KLHDC4: variants seen among roughly 807,000 people sequenced by gnomAD.
KLHDC4 encodes kelch domain-containing protein 4.
In KLHDC4, 90 loss-of-function variants were observed where a neutral mutation model predicts 62.4. The observed-to-expected ratio is 1.44, with a 90% confidence interval of 1.22 to 1.72. The LOEUF (loss-of-function observed/expected upper bound fraction) is 1.72. KLHDC4 is among the 40% of genes most tolerant of loss of function. The pLI, the probability that KLHDC4 is intolerant of heterozygous loss-of-function variation, is 0.00. For missense variants in KLHDC4, 1,025 were observed against 699.7 expected (o/e 1.47, Z -5.25); for synonymous variants, 386 against 284.4 (o/e 1.36, Z -3.59).
Position 87,709,678 on chromosome 16 carries a change from A to G in KLHDC4, c.1045-11T>C, listed in dbSNP as rs577229129. 1.3e-6 allele frequency: 2 copies of G among 1,573,076 alleles called. No individual in the cohort carries two copies. The highest frequency in any genetic ancestry group is 2.3e-5 in the South Asian group (2 of 86,260). Reference sequence around the variant, plus strand: ...TTCAGACTTGGGTCCCTATTAATAGACCGAGGAAGCAGAGAGCAGCAGCTT... The same window carrying G: ...TTCAGACTTGGGTCCCTATTAATAGGCCGAGGAAGCAGAGAGCAGCAGCTT... On this transcript the variant is annotated splice_polypyrimidine_tract_variant and intron_variant, in intron 9 of 11. Coordinates refer to ENST00000270583, the MANE Select transcript of KLHDC4 (RefSeq NM_017566.4).
intron 6 of KLHDC4, 61 bp from the exon 7 acceptor site, chr16:87,726,985 A>G: frequency 6.5e-7 from 1 of 1,549,694 alleles, no homozygotes. Context: ...TGACATTAAA[A>G]ACTGAACTGA....
intron 9 of KLHDC4, 159 bp downstream of exon 9, chr16:87,711,076 G>C (rs1240301017): frequency 1.1e-5 from 7 of 661,732 alleles, no homozygotes; most frequent in Non-Finnish European, 1.8e-5. Context: ...TCCAAGCCTA[G>C]TCACCCAGGA....
intron 8 of KLHDC4, among the ~76,000 whole-genome samples, chr16:87,712,172 C>T (rs942617483): frequency 6.6e-6 from 1 of 152,210 alleles, no homozygotes; most frequent in Non-Finnish European, 1.5e-5. Context: ...TCTCTCTTGG[C>T]ACGCGCCTAT....
At chr16:87,756,591 TGAAAG>T in intron 2 of KLHDC4, 114 bp from the exon 3 acceptor site, 1 of 720,764 alleles carries the variant, frequency 1.4e-6, no homozygotes, top group Admixed American at 2.4e-5. Context: ...CTACACTTCC[TGAAAG>T]GAGAGCCTGG....
intron 6 of KLHDC4, among the ~76,000 whole-genome samples, chr16:87,727,385 G>A (rs1218002457): frequency 6.6e-6 from 1 of 152,190 alleles, no homozygotes. Flanking sequence ...AGCAGTGAAT[G>A]GCGCCTCCAA....
intron 2 of KLHDC4, 66 bp downstream of exon 2, chr16:87,761,883 T>C (rs559865812): frequency 6.1e-6 from 9 of 1,484,954 alleles, no homozygotes; most frequent in South Asian, 1.2e-5. Context: ...CTGGTGCTAT[T>C]TAAAGCAGTT....
At chr16:87,758,303 C>G (rs1285430572) in intron 2 of KLHDC4, among the ~76,000 whole-genome samples, 3 of 152,188 alleles carry the variant, frequency 2.0e-5, no homozygotes, top group African/African-American at 7.2e-5. Context: ...TAGAAATAAC[C>G]TAAGTGTTGG....
chr16:87,757,608 G>C (rs1287942287), intron 2 of KLHDC4: 1 of 151,962 alleles, frequency 6.6e-6, no homozygotes, highest in Non-Finnish European at 1.5e-5. Flanking sequence ...TAATATTATG[G>C]GCCAGGCCCG....
chr16:87,709,338 G>A lies in KLHDC4; in HGVS notation c.1374C>T (p.Val458=). ...CCAGGCAGTGCAGGTCGCTGAGGGT[G>A]ACCTGGCGGTCGCCGGCCTCAAACA... ...GGMFEAGDRQ[V]TLSDLHCLDL... The change falls in exon 10 of 12, where the codon GTC becomes GTT. Residue 458 remains valine (V), a synonymous_variant. Transcript: ENST00000270583. 1 of 1,613,400 alleles carries A rather than the reference G, an allele frequency of 6.2e-7. No individual in the cohort carries two copies. Among genetic ancestry groups the A allele is most frequent in the Non-Finnish European group, 8.5e-7 (1 of 1,179,960 alleles).
At chr16:87,762,762 C>T (rs1208686263) in intron 1 of KLHDC4, among the ~76,000 whole-genome samples, 1 of 152,118 alleles carries the variant, frequency 6.6e-6, no homozygotes, top group African/African-American at 2.4e-5. Context: ...CCAGTGTTCC[C>T]GCCTCAGTCC....
intron 5 of KLHDC4, among the ~76,000 whole-genome samples, chr16:87,738,357 G>GCACACACACA (rs112406800): frequency 3.3e-5 from 5 of 149,744 alleles, no homozygotes; most frequent in African/African-American, 4.9e-5. Context: ...ACACGGACGT[G>GCACACACACA]CACACACACA....
intron 5 of KLHDC4, among the ~76,000 whole-genome samples, chr16:87,734,668 A>C (rs1475626054): frequency 6.6e-6 from 1 of 151,952 alleles, no homozygotes; most frequent in East Asian, 1.9e-4. Flanking sequence ...TATTAATCCA[A>C]CCCGGAGTTG....
exon 1 of KLHDC4, chr16:87,699,153 G>C (rs1324991980): frequency 6.6e-6 from 1 of 152,310 alleles, no homozygotes; most frequent in Non-Finnish European, 1.5e-5. Context: ...CTGCCCCGGG[G>C]CCTCTGGTGA....
intron 7 of KLHDC4, among the ~76,000 whole-genome samples, chr16:87,715,623 A>G (rs2036807211): frequency 6.6e-6 from 1 of 152,080 alleles, no homozygotes; most frequent in South Asian, 2.1e-4. Flanking sequence ...GTGCCCCTCT[A>G]CTGGGACTGT....
At chr16:87,710,711 T>C (rs945965885) in intron 9 of KLHDC4, 1 of 153,056 alleles carries the variant, frequency 6.5e-6, no homozygotes, top group African/African-American at 2.4e-5. Flanking sequence ...TTCAGGAGTT[T>C]GCAACCAACA....
downstream of KLHDC4, among the ~76,000 whole-genome samples, chr16:87,705,820 C>T (rs2034601461): frequency 6.6e-6 from 1 of 152,162 alleles, no homozygotes; most frequent in Non-Finnish European, 1.5e-5. Context: ...GGCGCTGCTG[C>T]CTGCGCTCTG....
rs766273000 is a variant in KLHDC4 at position 87,709,618 on chromosome 16, G to C, written c.1094C>G (p.Pro365Arg). Reference sequence around the variant, plus strand: ...ACACGCCGGCCTGCTACCACCTTCGGGCTCCTCTTTTCTGCCCCGCCTGCG... The same window carrying C: ...ACACGCCGGCCTGCTACCACCTTCGCGCTCCTCTTTTCTGCCCCGCCTGCG... The part of the protein sequence containing the change: ...KKRRRGRKEE[P>R]EGGSRPACGG... Residue 365 changes from proline (P) to arginine (R), a missense_variant, in exon 10 of 12, where the codon CCC becomes CGC. Coordinates refer to ENST00000270583, the MANE Select transcript of KLHDC4 (RefSeq NM_017566.4). The C allele has an allele frequency of 1.2e-6, 2 of 1,609,760 alleles. No individual in the cohort carries two copies. The highest frequency in any genetic ancestry group is 8.5e-7 in the Non-Finnish European group (1 of 1,178,222).
At chr16:87,737,650 C>G (rs1026423550) in intron 5 of KLHDC4, among the ~76,000 whole-genome samples, 2 of 150,658 alleles carry the variant, frequency 1.3e-5, no homozygotes, top group Non-Finnish European at 2.9e-5. Context: ...CACAATGGCA[C>G]GATCTCAGCT....
downstream of KLHDC4, among the ~76,000 whole-genome samples, chr16:87,706,794 C>T (rs542170307): frequency 1.3e-5 from 2 of 152,194 alleles, no homozygotes; most frequent in South Asian, 4.1e-4. Flanking sequence ...AGAGGCGACA[C>T]TTCTCAAGCC....
Sources: gnomAD v4.1 joint callset for allele counts (sites outside exome capture counted in the v4.1 genomes callset) on GRCh38, gnomAD v4.1.1 for gene constraint, MANE v1.5 for transcripts, NCBI Gene and HGNC (gene_info 2026-07-23, HGNC 2026-07-21) for gene names.